SNRNP70: variants seen among roughly 807,000 people sequenced by gnomAD.
SNRNP70 encodes small nuclear ribonucleoprotein U1 subunit 70.
In SNRNP70, 8 loss-of-function variants were observed where a neutral mutation model predicts 50.5. The observed-to-expected ratio is 0.16, with a 90% confidence interval of 0.09 to 0.29. SNRNP70 has a LOEUF of 0.29. Ranked by LOEUF, SNRNP70 falls within the 10% of genes least tolerant of loss-of-function variation. The pLI, the probability that SNRNP70 is intolerant of heterozygous loss-of-function variation, is 1.00. For synonymous variants in SNRNP70, 320 were observed against 252.9 expected, an observed-to-expected ratio of 1.27 and a Z score of -2.52; for missense variants, 529 against 663.5, an observed-to-expected ratio of 0.80 and a Z score of 2.23.
At chr19:49,087,056 T>G (rs1363110462) in intron 2 of SNRNP70, among the ~76,000 whole-genome samples, 1 of 151,360 alleles carries the variant, frequency 6.6e-6, no homozygotes, top group South Asian at 2.1e-4. Context: ...ACATGGTGCC[T>G]GTAATTCCAG....
intron 8 of SNRNP70, among the ~76,000 whole-genome samples, chr19:49,106,569 C>T (rs1251136355): frequency 6.6e-6 from 1 of 152,140 alleles, no homozygotes; most frequent in Admixed American, 6.6e-5. Flanking sequence ...AAGAATGTCT[C>T]CCTGCAGCCT....
intron 8 of SNRNP70, among the ~76,000 whole-genome samples, chr19:49,106,616 C>T (rs930093989): frequency 1.3e-5 from 2 of 152,150 alleles, no homozygotes; most frequent in African/African-American, 4.8e-5. Flanking sequence ...CTCACGGAAG[C>T]TTTTCCAGGC....
chr19:49,104,040 A>T lies in SNRNP70; in HGVS notation c.476-594A>T, dbSNP rs1000085813. The T allele has an allele frequency of 6.6e-6, 1 of 151,130 alleles. No homozygotes were observed. Among genetic ancestry groups the T allele is most frequent in the Non-Finnish European group, 1.5e-5 (1 of 67,868 alleles). 9.4% of individuals were successfully genotyped at this position (151,130 alleles called of 1,614,324 possible). On this transcript the variant is annotated intron_variant, in intron 7 of 9. Transcript: ENST00000598441. The surrounding 1 kb of genome is among the most constrained non-coding windows in gnomAD (Gnocchi z 5.4). ...CCGCCAGGCCCCCTGGGAGTGTATAACCCGCCTCTCTGCTCCCTGCCATTT... is the reference window on the plus strand; with the variant it reads ...CCGCCAGGCCCCCTGGGAGTGTATATCCCGCCTCTCTGCTCCCTGCCATTT...
chr19:49,102,295 C>G, intron 7 of SNRNP70: 1 of 573,786 alleles, frequency 1.7e-6, no homozygotes. Flanking sequence ...CCCGTAGCCT[C>G]CCCGCACCCA....
chr19:49,098,468 A>G lies in SNRNP70; in HGVS notation c.307A>G (p.Lys103Glu). ...TCCCAATGCTCAGGGGGATGCCTTC[A>G]AGACTCTCTTCGTGGCGAGAGTGGT... is the stretch of plus-strand genomic sequence containing the variant. ...NDPNAQGDAF[K>E]TLFVARVNYD... The change falls in exon 5 of 10, where the codon AAG becomes GAG. Residue 103 changes from lysine (K) to glutamate (E), a missense_variant. Physicochemically the swap from Lys to Glu is moderately conservative, Grantham distance 56. This residue lies in a region of SNRNP70 where 149 missense variants were observed against 259.7 expected (regional missense o/e 0.57). Transcript: ENST00000598441. 1.2e-6 allele frequency: 2 copies of G among 1,613,906 alleles called. No homozygotes were observed. Among genetic ancestry groups the G allele is most frequent in the Non-Finnish European group, 1.7e-6 (2 of 1,179,900 alleles).
At chr19:49,106,108 C>T (rs1005206758) in intron 8 of SNRNP70, among the ~76,000 whole-genome samples, 3 of 152,136 alleles carry the variant, frequency 2.0e-5, no homozygotes, top group Non-Finnish European at 4.4e-5. Context: ...GCTCTGGACT[C>T]GCCTGTGCTA....
At position 49,090,531 on chromosome 19, in the gene SNRNP70, C is replaced by G; in HGVS notation, c.265+11C>G. ...CAGAGCTTAAAATGTGTAAGTCTCT[C>G]ATCCACCATTTGGCTCTCTCCTCTC... On this transcript the variant is annotated intron_variant, in intron 4 of 9. Transcript: ENST00000598441. 6.2e-7 allele frequency: 1 copy of G among 1,613,416 alleles called. No homozygotes were observed.
At chr19:49,090,553 TC>T (rs2040435372) in intron 4 of SNRNP70, 33 bp downstream of exon 4, 1 of 1,604,146 alleles carries the variant, frequency 6.2e-7, no homozygotes. Context: ...GGCTCTCTCC[TC>T]TCCCAAACCC....
intron 2 of SNRNP70, among the ~76,000 whole-genome samples, chr19:49,089,313 A>C (rs1329604302): frequency 6.6e-6 from 1 of 152,040 alleles, no homozygotes; most frequent in East Asian, 1.9e-4. Flanking sequence ...TAGGCAGGAG[A>C]ACCGCTTGAA....
chr19:49,101,199 C>T (rs1323214080), intron 6 of SNRNP70, among the ~76,000 whole-genome samples, 191 bp from the exon 7 acceptor site: 1 of 152,234 alleles, frequency 6.6e-6, no homozygotes, highest in African/African-American at 2.4e-5. Flanking sequence ...GCTTAAGTGT[C>T]ATTTTCTCCA....
intron 4 of SNRNP70, among the ~76,000 whole-genome samples, chr19:49,097,390 G>A (rs192778870): frequency 6.6e-6 from 1 of 152,106 alleles, no homozygotes; most frequent in Non-Finnish European, 1.5e-5. Flanking sequence ...GCCATAGTAC[G>A]TGTTCAGTAA....
chr19:49,097,760 T>C (rs2040531261), intron 4 of SNRNP70, among the ~76,000 whole-genome samples: 1 of 152,228 alleles, frequency 6.6e-6, no homozygotes, highest in South Asian at 2.1e-4. Flanking sequence ...GGCTCTTTTC[T>C]TTGGAGATTG....
At position 49,107,739 on chromosome 19, in the gene SNRNP70, G is replaced by A. The variant is rs768902822; in HGVS notation, c.665+27G>A. ...TAAGATTGGGCGACCGGTGTCCTGGGGTGGGGGGCGGTCACGGGGGGAGCC... is the reference window on the plus strand; with the variant it reads ...TAAGATTGGGCGACCGGTGTCCTGGAGTGGGGGGCGGTCACGGGGGGAGCC... On this transcript the variant is annotated intron_variant, in intron 9 of 9. Coordinates refer to ENST00000598441, the MANE Select transcript of SNRNP70 (RefSeq NM_003089.6). The surrounding 1 kb of genome is among the most constrained non-coding windows in gnomAD (Gnocchi z 6.0). The A allele has an allele frequency of 6.8e-6, 11 of 1,613,514 alleles. No homozygotes were observed. The highest frequency in any genetic ancestry group is 9.3e-6 in the Non-Finnish European group (11 of 1,179,874).
In SNRNP70 at chr19:49,104,182, C is replaced by A; in HGVS notation, c.476-452C>A. ...GAAAAAACCGGTGTGGTCTGGGGTG[C>A]GGAGCGTCCCAGCTGGGCCTCCTGC... On this transcript the variant is annotated intron_variant, in intron 7 of 9. Transcript: ENST00000598441. This position sits in a 1 kb window ranked among gnomAD's most constrained non-coding sequence, Gnocchi z 5.4. 6.4e-6 allele frequency: 1 copy of A among 157,058 alleles called. No individual in the cohort carries two copies. Among genetic ancestry groups the A allele is most frequent in the Non-Finnish European group, 1.4e-5 (1 of 71,710 alleles). The allele number at this position is 157,058 out of a possible 1,614,324, so 9.7% of individuals were successfully genotyped here.
rs562182169 is a variant in SNRNP70 at position 49,095,352 on chromosome 19, C to T, written c.266-3075C>T. 1.2e-4 allele frequency among the ~76,000 whole-genome samples: 18 copies of T among 152,304 alleles called. 1 individual carries two copies. The South Asian group carries it at 3.3e-3, about 28-fold the overall frequency. On this transcript the variant is annotated intron_variant, in intron 4 of 9. Coordinates refer to ENST00000598441, the MANE Select transcript of SNRNP70 (RefSeq NM_003089.6). ...TAGAATGCCTGCTGTCTGGCGTTGC[C>T]GGGTGTGTTTCCTTGCTGCTGTGAC... is the stretch of plus-strand genomic sequence containing the variant.
chr19:49,085,840 G>A (rs1294073620), intron 1 of SNRNP70, among the ~76,000 whole-genome samples: 1 of 152,202 alleles, frequency 6.6e-6, no homozygotes, highest in African/African-American at 2.4e-5. Flanking sequence ...CCTACCCACA[G>A]GCCCTTGCGG....
Position 49,108,236 on chromosome 19 carries a change from T to TCGGGAC in SNRNP70, c.1109_1110insGGACCG (p.Asp375_Arg376dup). ...AGCGCGAGCGGCGCCGGGACCGGGATCGTGACCGTGACCGTGACCGCGAGC... is the reference window on the plus strand; with the variant it reads ...AGCGCGAGCGGCGCCGGGACCGGGATCGGGACCGTGACCGTGACCGTGACCGCGAGC... On this transcript the variant is annotated inframe_insertion, in exon 10 of 10. Coordinates refer to ENST00000598441, the MANE Select transcript of SNRNP70 (RefSeq NM_003089.6). The TCGGGAC allele has an allele frequency of 6.5e-7, 1 of 1,539,636 alleles. No individual in the cohort carries two copies.
chr19:49,104,480 T>C lies in SNRNP70; in HGVS notation c.476-154T>C. The C allele has an allele frequency of 1.6e-6, 1 of 640,776 alleles. No individual in the cohort carries two copies. Among genetic ancestry groups the C allele is most frequent in the Non-Finnish European group, 2.8e-6 (1 of 352,562 alleles). The allele number at this position is 640,776 out of a possible 1,614,324, so 39.7% of individuals were successfully genotyped here. A position where few individuals can be genotyped will look rare whatever the true frequency, so the allele number is the denominator to read the frequency against. On this transcript the variant is annotated intron_variant, in intron 7 of 9. Transcript: ENST00000598441. This position sits in a 1 kb window ranked among gnomAD's most constrained non-coding sequence, Gnocchi z 5.4. ...GGCCCTTCACCGGTTTGGGAGAGGG[T>C]TGGTCTGGCTGTCAGTTGCCTGGCT...
At chr19:49,088,648 T>C (rs2040412850) in intron 2 of SNRNP70, among the ~76,000 whole-genome samples, 2 of 151,700 alleles carry the variant, frequency 1.3e-5, no homozygotes, top group African/African-American at 4.8e-5. Flanking sequence ...AGGCACGCGC[T>C]ACCATGCCTG....
Sources: allele counts gnomAD v4.1 joint callset (sites outside exome capture counted in the v4.1 genomes callset), GRCh38; gene constraint gnomAD v4.1.1; regional missense constraint gnomAD v4.1.1; non-coding constraint Gnocchi (gnomAD v3.1); transcripts MANE v1.5; gene names NCBI Gene and HGNC (gene_info 2026-07-23, HGNC 2026-07-21).